The following AGBL1 variants were observed in gnomAD, a reference collection of about 807,000 sequenced individuals.
AGBL1 encodes cytosolic carboxypeptidase 4.
Under a neutral mutation model 118.9 loss-of-function variants are expected in AGBL1, and 130 were observed. That is an observed-to-expected ratio of 1.09 (90% CI 0.95 to 1.26). The LOEUF (loss-of-function observed/expected upper bound fraction) is 1.26, where lower values mean the gene tolerates loss of function less well. Among genes scored for constraint, AGBL1 ranks in the 50% most tolerant of loss-of-function variants. The pLI is 0.00. For missense variants in AGBL1, 1,584 were observed against 1,298.1 expected, an observed-to-expected ratio of 1.22 and a Z score of -3.38; for synonymous variants, 555 against 478.9, an observed-to-expected ratio of 1.16 and a Z score of -2.08.
chr15:86,430,480 G>A (rs547068109), intron 18 of AGBL1, among the ~76,000 whole-genome samples: 3 of 147,434 alleles, frequency 2.0e-5, no homozygotes, highest in Admixed American at 1.3e-4. Flanking sequence ...GGGTGAAAAA[G>A]CGCCGTCGCA....
At chr15:86,191,098 C>G (rs765108990) in intron 5 of AGBL1, among the ~76,000 whole-genome samples, 75 of 151,938 alleles carry the variant, frequency 4.9e-4, no homozygotes, top group Non-Finnish European at 9.9e-4. Flanking sequence ...AATCCCAGCA[C>G]TTTGGGAGAC....
intron 22 of AGBL1, among the ~76,000 whole-genome samples, chr15:86,854,973 C>G (rs1435789384): frequency 6.6e-6 from 1 of 152,158 alleles, no homozygotes; most frequent in African/African-American, 2.4e-5. Flanking sequence ...CACCCCCCCA[C>G]TGGTCCTAGT....
At position 86,178,303 on chromosome 15, in the gene AGBL1, C is replaced by A. The variant is rs980607018; in HGVS notation, c.488+19277C>A. The stretch of plus-strand genomic sequence containing the variant: ...ACTCCAGCCCGATGACAGAGCGAGA[C>A]TCTGCCAAAACAAAACAAACAAACA... On this transcript the variant is annotated intron_variant, in intron 5 of 22. Transcript: ENST00000614907. Among the ~76,000 whole-genome samples, 7 of 152,130 alleles carry A rather than the reference C, an allele frequency of 4.6e-5. No homozygotes were observed. The South Asian group carries it at 1.5e-3, about 32-fold the overall frequency.
intron 3 of AGBL1, among the ~76,000 whole-genome samples, chr15:86,146,137 C>A (rs2077030820): frequency 6.6e-6 from 1 of 152,110 alleles, no homozygotes; most frequent in Admixed American, 6.6e-5. Context: ...GAGCTTTGTG[C>A]CCTTATGTAT....
At chr15:87,022,329 C>T (rs546452686) in intron 24 of AGBL1, among the ~76,000 whole-genome samples, 77 of 151,942 alleles carry the variant, frequency 5.1e-4, no homozygotes, top group Non-Finnish European at 7.9e-4. Context: ...CCCTGATTTA[C>T]CTGAAAAAGA....
chr15:86,736,684 C>G (rs1477954170), intron 22 of AGBL1, among the ~76,000 whole-genome samples: 1 of 152,140 alleles, frequency 6.6e-6, no homozygotes, highest in African/African-American at 2.4e-5. Context: ...TCCATCATCC[C>G]TTTTAATATT....
At position 86,925,688 on chromosome 15, in the gene AGBL1, C is replaced by CT. The variant is rs1387805225; in HGVS notation, c.3222-62292dup. Among the ~76,000 whole-genome samples, 125 of 143,066 alleles carry CT rather than the reference C, an allele frequency of 8.7e-4. No homozygotes were observed. The Middle Eastern group carries it at 0.01, about 12-fold the overall frequency. The allele number at this position is 143,066 out of a possible 152,430, so 93.9% of individuals were successfully genotyped here. A position where few individuals can be genotyped will look rare whatever the true frequency, so the allele number is the denominator to read the frequency against. On this transcript the variant is annotated intron_variant, in intron 23 of 24. Coordinates refer to the AGBL1 transcript ENST00000441037. ...GGAGTTTTTCTTCTTTTCTTCTTTT[C>CT]TTTTTTTCTTTTTTCTTTTTCTTTT...
rs185184793 is a variant in AGBL1 at position 86,166,899 on chromosome 15, G to T, written c.488+7873G>T. 2.1e-4 allele frequency among the ~76,000 whole-genome samples: 32 copies of T among 152,184 alleles called. 1 individual carries two copies. Among genetic ancestry groups the T allele is most frequent in the African/African-American group, 6.5e-4 (27 of 41,536 alleles). On this transcript the variant is annotated intron_variant, in intron 5 of 22. Transcript: ENST00000614907. Reference sequence around the variant, plus strand: ...CATGCACCACTTTCCCCTGATGACGGTCCTCTACAGAAATTGCATTTCCAC... The same window carrying T: ...CATGCACCACTTTCCCCTGATGACGTTCCTCTACAGAAATTGCATTTCCAC...
At chr15:86,997,983 T>A (rs2081395883) in intron 24 of AGBL1, among the ~76,000 whole-genome samples, 1 of 151,970 alleles carries the variant, frequency 6.6e-6, no homozygotes, top group Non-Finnish European at 1.5e-5. Flanking sequence ...ATACTTTACA[T>A]GTTCTGTGTA....
chr15:86,410,842 AATATACTATTT>A (rs2081603053), intron 18 of AGBL1, among the ~76,000 whole-genome samples: 7 of 74,614 alleles, frequency 9.4e-5, no homozygotes, highest in Admixed American at 1.8e-4. Flanking sequence ...ATATATATAT[AATATACTATTT>A]TATATATAAA....
At chr15:86,402,122 T>C (rs1434299234) in intron 18 of AGBL1, among the ~76,000 whole-genome samples, 2 of 152,128 alleles carry the variant, frequency 1.3e-5, no homozygotes, top group African/African-American at 4.8e-5. Flanking sequence ...CCTGTGATTT[T>C]TTTTCAGCAG....
At chr15:86,542,114 G>T (rs1357169865) in intron 19 of AGBL1, among the ~76,000 whole-genome samples, 1 of 152,174 alleles carries the variant, frequency 6.6e-6, no homozygotes, top group African/African-American at 2.4e-5. Context: ...TGAATGTTGT[G>T]CTCAACAATA....
intron 23 of AGBL1, chr15:86,939,003 A>T (rs961913828): frequency 6.6e-6 from 1 of 152,262 alleles, no homozygotes; most frequent in African/African-American, 2.4e-5. Flanking sequence ...ATTCACTGTC[A>T]CATCCTTCAC....
At chr15:86,795,030 A>G (rs1383846161) in intron 22 of AGBL1, among the ~76,000 whole-genome samples, 1 of 152,320 alleles carries the variant, frequency 6.6e-6, no homozygotes, top group Non-Finnish European at 1.5e-5. Context: ...ACCCTGGGGG[A>G]TAATCAATTA....
intron 21 of AGBL1, among the ~76,000 whole-genome samples, chr15:86,623,019 A>G (rs1777772716): frequency 6.6e-6 from 1 of 152,144 alleles, no homozygotes; most frequent in Non-Finnish European, 1.5e-5. Context: ...CACGCCTATG[A>G]GAATCTAATG....
chr15:86,833,253 A>G (rs375617516), intron 22 of AGBL1, among the ~76,000 whole-genome samples: 3 of 152,162 alleles, frequency 2.0e-5, no homozygotes, highest in African/African-American at 7.2e-5. Flanking sequence ...GCACATGCCC[A>G]TGAGATTCAC....
chr15:86,515,646 T>C (rs1035706150), intron 18 of AGBL1, among the ~76,000 whole-genome samples: 3 of 152,228 alleles, frequency 2.0e-5, no homozygotes, highest in Non-Finnish European at 2.9e-5. Flanking sequence ...TTGTTCAAAA[T>C]GTCAGCTGGT....
At chr15:86,454,556 T>A (rs1266616544) in intron 18 of AGBL1, among the ~76,000 whole-genome samples, 1 of 152,178 alleles carries the variant, frequency 6.6e-6, no homozygotes, top group African/African-American at 2.4e-5. Flanking sequence ...AATGAAATAC[T>A]ATTCAGCAAT....
chr15:86,812,825 T>G (rs2078808769), intron 22 of AGBL1, among the ~76,000 whole-genome samples: 1 of 152,208 alleles, frequency 6.6e-6, no homozygotes, highest in East Asian at 1.9e-4. Context: ...AATTGCTGCT[T>G]ACAAGGCATT....
Sources: allele counts gnomAD v4.1 joint callset (sites outside exome capture counted in the v4.1 genomes callset), GRCh38; gene constraint gnomAD v4.1.1; transcripts MANE v1.5; gene names NCBI Gene and HGNC (gene_info 2026-07-23, HGNC 2026-07-21).